Variants in IFI16 observed in about 807,000 individuals in gnomAD.
IFI16 encodes interferon gamma inducible protein 16.
IFI16 carries 49 observed loss-of-function variants against 68.4 expected under a neutral mutation model. The observed-to-expected ratio is 0.72, with a 90% confidence interval of 0.57 to 0.91. IFI16 has a LOEUF of 0.91. Ranked by LOEUF, IFI16 falls within the 40% of genes least tolerant of loss-of-function variation. The probability of loss-of-function intolerance (pLI) is 0.00; values close to 1 mark genes in which losing one functional copy is unlikely to be tolerated. For synonymous variants in IFI16, 307 were observed against 315.0 expected, an observed-to-expected ratio of 0.97 and a Z score of 0.27; for missense variants, 878 against 942.9, an observed-to-expected ratio of 0.93 and a Z score of 0.90.
upstream of IFI16, among the ~76,000 whole-genome samples, chr1:159,004,787 A>T (rs1224642653): frequency 1.3e-5 from 2 of 152,256 alleles, no homozygotes; most frequent in African/African-American, 2.4e-5. Flanking sequence ...GATAAATTAT[A>T]TCAAGGGAAA....
At chr1:159,045,865 T>C (rs546083072) in intron 8 of IFI16, among the ~76,000 whole-genome samples, 1 of 151,294 alleles carries the variant, frequency 6.6e-6, no homozygotes, top group South Asian at 2.1e-4. Flanking sequence ...GAAAAGAAGG[T>C]ACATAAGCAA....
chr1:159,046,701 A>T (rs2793843), intron 8 of IFI16, among the ~76,000 whole-genome samples: 1 of 150,776 alleles, frequency 6.6e-6, no homozygotes, highest in African/African-American at 2.4e-5. Flanking sequence ...AAATTTTTCC[A>T]TCTCAATTCT....
At chr1:159,010,649 AT>A (rs1480273936) in intron 1 of IFI16, among the ~76,000 whole-genome samples, 1 of 152,048 alleles carries the variant, frequency 6.6e-6, no homozygotes, top group East Asian at 1.9e-4. Flanking sequence ...AGAGTAGAAA[AT>A]TTTTTTCAGT....
chr1:159,015,965 C>G lies in IFI16; in HGVS notation c.359C>G (p.Ala120Gly), dbSNP rs1386843639. The G allele has an allele frequency of 2.5e-6, 4 of 1,613,354 alleles. No homozygotes were observed. The highest frequency in any genetic ancestry group is 3.4e-6 in the Non-Finnish European group (4 of 1,179,410). Residue 120 changes from alanine (A) to glycine (G), a missense_variant, in exon 3 of 12, where the codon GCA (alanine) becomes GGA (glycine). Around this residue, in one of 4 missense-constraint regions of IFI16, gnomAD observed 443 missense variants for 421.8 expected, o/e 1.05. Transcript: ENST00000295809. Reference sequence around the variant, plus strand: ...AGCAGCACTGTCAAAACTGAAGGAGCAGAGGCAACTCCTGGAGCTCAGGTA... The same window carrying G: ...AGCAGCACTGTCAAAACTGAAGGAGGAGAGGCAACTCCTGGAGCTCAGGTA... ...STSSTVKTEG[A>G]EATPGAQKRK...
intron 8 of IFI16, among the ~76,000 whole-genome samples, 193 bp downstream of exon 8, chr1:159,045,657 C>T (rs1229779281): frequency 6.6e-6 from 1 of 151,294 alleles, no homozygotes; most frequent in Non-Finnish European, 1.5e-5. Context: ...CATCTCTATT[C>T]CATAGCAGGT....
upstream of IFI16, among the ~76,000 whole-genome samples, chr1:159,005,406 G>C (rs954829118): frequency 1.1e-4 from 16 of 152,126 alleles, no homozygotes; most frequent in African/African-American, 3.6e-4. Flanking sequence ...CTCTGGCCTT[G>C]TACAGTATAT....
chr1:159,041,559 G>T (rs1205023451), intron 7 of IFI16, among the ~76,000 whole-genome samples: 1 of 152,146 alleles, frequency 6.6e-6, no homozygotes, highest in Non-Finnish European at 1.5e-5. Flanking sequence ...CAGTTTGGCT[G>T]ATTTTACTCT....
At chr1:159,025,543 T>G (rs2101849232) in intron 6 of IFI16, among the ~76,000 whole-genome samples, 1 of 152,336 alleles carries the variant, frequency 6.6e-6, no homozygotes, top group South Asian at 2.1e-4. Flanking sequence ...TTCTTGATGA[T>G]TTGCTTGAGT....
In IFI16 at chr1:159,018,277, C is replaced by G. The variant is rs747234548; in HGVS notation, c.598C>G (p.Leu200Val). 18 of 1,613,952 alleles carry G rather than the reference C, an allele frequency of 1.1e-5. No homozygotes were observed. Among genetic ancestry groups the G allele is most frequent in the Non-Finnish European group, 1.4e-5 (17 of 1,179,962 alleles). The change falls in exon 5 of 12, where the codon CTC (leucine) becomes GTC (valine). Residue 200 changes from leucine to valine, a missense_variant. Coordinates refer to ENST00000295809, the MANE Select transcript of IFI16 (RefSeq NM_001376587.1). ...KCQVTPRRNV[L>V]QKRPVIVKVL... ...TCAGGTAACTCCCAGAAGAAATGTTCTCCAAAAACGCCCAGTGATAGTGAA... is the reference window on the plus strand; with the variant it reads ...TCAGGTAACTCCCAGAAGAAATGTTGTCCAAAAACGCCCAGTGATAGTGAA...
At position 159,049,102 on chromosome 1, in the gene IFI16, A is replaced by T. The variant is rs1357702896; in HGVS notation, c.1498-330A>T. Among the ~76,000 whole-genome samples the T allele has an allele frequency of 2.7e-5, 4 of 149,840 alleles. No individual in the cohort carries two copies. In the Admixed American group the frequency reaches 2.7e-4, roughly 10 times the overall value. On this transcript the variant is annotated intron_variant, in intron 8 of 11. Transcript: ENST00000295809. The stretch of plus-strand genomic sequence containing the variant: ...AATGTCCATAAATGTAGCCAACTTT[A>T]TTGCAAGCCATGCTGCCCCCAAAAT...
chr1:159,033,494 T>C (rs1654132328), intron 7 of IFI16, among the ~76,000 whole-genome samples: 2 of 152,230 alleles, frequency 1.3e-5, no homozygotes, highest in Admixed American at 6.5e-5. Context: ...TAGACGTTGG[T>C]TCTTACGTGT....
At chr1:159,027,552 T>C (rs1259256704) in intron 6 of IFI16, among the ~76,000 whole-genome samples, 3 of 152,022 alleles carry the variant, frequency 2.0e-5, no homozygotes, top group Non-Finnish European at 4.4e-5. Flanking sequence ...ATAGAATGAT[T>C]TAGGGAGGAT....
intron 7 of IFI16, among the ~76,000 whole-genome samples, chr1:159,042,302 C>T (rs571460676): frequency 9.9e-6 from 1 of 101,496 alleles, no homozygotes; most frequent in East Asian, 2.9e-4. Context: ...TATCTTCTGC[C>T]ATGTCTCCCT....
intron 8 of IFI16, among the ~76,000 whole-genome samples, chr1:159,045,678 A>G (rs973654563): frequency 5.9e-5 from 9 of 151,354 alleles, no homozygotes; most frequent in African/African-American, 2.2e-4. Context: ...ATAATTAGAT[A>G]TCTTTTTAAT....
At chr1:159,004,424 G>T (rs1322151089), upstream of IFI16, among the ~76,000 whole-genome samples, 2 of 152,138 alleles carry the variant, frequency 1.3e-5, no homozygotes, top group Non-Finnish European at 2.9e-5. Context: ...CCCAAAACCA[G>T]CCGGGCATCG....
chr1:159,020,680 T>A lies in IFI16; in HGVS notation c.1161+151T>A, dbSNP rs533461767. ...TCCTTGTATTCACATTTACTTTTTT[T>A]AATTTTTTTTTTCTGGATGGAATGA... On this transcript the variant is annotated intron_variant, in intron 6 of 11. Coordinates refer to ENST00000295809, the MANE Select transcript of IFI16 (RefSeq NM_001376587.1). The A allele has an allele frequency of 3.8e-4, 194 of 510,944 alleles. 5 individuals carry two copies. In the South Asian group the frequency reaches 6.6e-3, roughly 17 times the overall value. 31.7% of individuals were successfully genotyped at this position (510,944 alleles called of 1,614,324 possible).
At chr1:159,028,303 T>G (rs1029959399) in intron 6 of IFI16, among the ~76,000 whole-genome samples, 1 of 152,218 alleles carries the variant, frequency 6.6e-6, no homozygotes, top group Non-Finnish European at 1.5e-5. Context: ...TTATTTAATT[T>G]CCATGTATTT....
upstream of IFI16, among the ~76,000 whole-genome samples, chr1:159,004,455 A>G (rs765424232): frequency 6.6e-6 from 1 of 152,210 alleles, no homozygotes; most frequent in African/African-American, 2.4e-5. Flanking sequence ...CTCTAATCCC[A>G]GCACTTTGGG....
At chr1:159,001,206 C>G (rs546416505), upstream of IFI16, among the ~76,000 whole-genome samples, 1 of 152,278 alleles carries the variant, frequency 6.6e-6, no homozygotes, top group African/African-American at 2.4e-5. Context: ...TGAATAACCA[C>G]GTTACTCAAA....
Sources: allele counts gnomAD v4.1 joint callset (sites outside exome capture counted in the v4.1 genomes callset), GRCh38; gene constraint gnomAD v4.1.1; regional missense constraint gnomAD v4.1.1; transcripts MANE v1.5; gene names NCBI Gene and HGNC (gene_info 2026-07-23, HGNC 2026-07-21).